LRRC27: variants seen among roughly 807,000 people sequenced by gnomAD.
LRRC27 encodes leucine-rich repeat-containing protein 27.
In LRRC27, 57 loss-of-function variants were observed where a neutral mutation model predicts 55.0. The ratio of observed to expected loss-of-function variants is 1.04; its 90% confidence interval spans 0.84 to 1.29. The LOEUF is 1.29. Ranked by LOEUF, LRRC27 falls within the 50% of genes most tolerant of loss-of-function variation. LRRC27 has a pLI of 0.00. For missense variants in LRRC27, 721 were observed against 651.5 expected (o/e 1.11, Z -1.16); for synonymous variants, 278 against 251.9 (o/e 1.10, Z -0.98).
In LRRC27 at chr10:132,380,269, C is replaced by G. The variant is rs948334723; in HGVS notation, c.*5027C>G. Among the ~76,000 whole-genome samples the G allele has an allele frequency of 2.0e-5, 3 of 150,626 alleles. No individual in the cohort carries two copies. Among genetic ancestry groups the G allele is most frequent in the Non-Finnish European group, 4.4e-5 (3 of 67,900 alleles). On this transcript the variant is annotated 3_prime_UTR_variant, in exon 11 of 11. Transcript: ENST00000368614. ...CGAGATCACGCCATTGCACTCCAGCCTGGGCAACAAGAGCAAAACTCTGTC... is the reference window on the plus strand; with the variant it reads ...CGAGATCACGCCATTGCACTCCAGCGTGGGCAACAAGAGCAAAACTCTGTC...
chr10:132,343,123 CAT>C (rs1313126275), intron 4 of LRRC27, among the ~76,000 whole-genome samples: 1 of 152,024 alleles, frequency 6.6e-6, no homozygotes, highest in African/African-American at 2.4e-5. Context: ...GCCTGGGTAA[CAT>C]AGTGAGACCC....
chr10:132,349,582 C>T (rs946908751), intron 6 of LRRC27, among the ~76,000 whole-genome samples: 1 of 152,194 alleles, frequency 6.6e-6, no homozygotes, highest in East Asian at 1.9e-4. Context: ...TTTCTTCCCT[C>T]CTCCCTTCAA....
At chr10:132,368,814 A>C (rs954554188) in intron 10 of LRRC27, among the ~76,000 whole-genome samples, 1 of 152,238 alleles carries the variant, frequency 6.6e-6, no homozygotes, top group African/African-American at 2.4e-5. Flanking sequence ...GCTTCATTAC[A>C]ATCAAAAACT....
At chr10:132,347,222 C>T (rs2067746087) in intron 5 of LRRC27, among the ~76,000 whole-genome samples, 2 of 152,258 alleles carry the variant, frequency 1.3e-5, no homozygotes, top group African/African-American at 4.8e-5. Flanking sequence ...GCCCTGTGTA[C>T]ACATGCAAAA....
chr10:132,369,112 C>T (rs2069159240), intron 10 of LRRC27, among the ~76,000 whole-genome samples: 1 of 152,176 alleles, frequency 6.6e-6, no homozygotes, highest in Non-Finnish European at 1.5e-5. Flanking sequence ...AAATCCAAAA[C>T]ACTCACCACC....
intron 10 of LRRC27, among the ~76,000 whole-genome samples, chr10:132,368,140 C>T (rs921828808): frequency 6.6e-6 from 1 of 152,110 alleles, no homozygotes; most frequent in African/African-American, 2.4e-5. Context: ...AAAAATCTAA[C>T]AAAATGTATA....
intron 10 of LRRC27, among the ~76,000 whole-genome samples, chr10:132,367,811 T>C (rs1221459685): frequency 1.3e-5 from 2 of 152,226 alleles, no homozygotes; most frequent in Non-Finnish European, 2.9e-5. Context: ...AAGGCAAAGA[T>C]ATTCCCTCTC....
In LRRC27 at chr10:132,374,288, T is replaced by C. The variant is rs1283617603; in HGVS notation, c.1417-778T>C. Among the ~76,000 whole-genome samples, 2 of 152,100 alleles carry C rather than the reference T, an allele frequency of 1.3e-5. No homozygotes were observed. Among genetic ancestry groups the C allele is most frequent in the Middle Eastern group, 3.2e-3 (1 of 316 alleles). Reference sequence around the variant, plus strand: ...CTCCTGGGACCTGCACTGGAGGTAGTGTCCAACCTGTGCCCCCAGCAAGGC... The same window carrying C: ...CTCCTGGGACCTGCACTGGAGGTAGCGTCCAACCTGTGCCCCCAGCAAGGC... On this transcript the variant is annotated intron_variant, in intron 10 of 10. Coordinates refer to ENST00000368614, the MANE Select transcript of LRRC27 (RefSeq NM_030626.3). This position sits in a 1 kb window ranked among gnomAD's most constrained non-coding sequence, Gnocchi z 4.4.
upstream of LRRC27, chr10:132,331,769 G>A (rs376695835): frequency 5.6e-6 from 9 of 1,609,422 alleles, no homozygotes; most frequent in Non-Finnish European, 7.6e-6. Flanking sequence ...GTGCCAGGCC[G>A]GTCGCCCCTC....
intron 10 of LRRC27, among the ~76,000 whole-genome samples, chr10:132,370,143 T>C (rs2069181099): frequency 6.6e-6 from 1 of 152,206 alleles, no homozygotes; most frequent in African/African-American, 2.4e-5. Context: ...GTCCAAATAC[T>C]GCACTGTCTT....
At chr10:132,361,775 C>T (rs945099591) in intron 9 of LRRC27, among the ~76,000 whole-genome samples, 200 bp downstream of exon 9, 1 of 152,070 alleles carries the variant, frequency 6.6e-6, no homozygotes, top group African/African-American at 2.4e-5. Flanking sequence ...TCCTTGCCCT[C>T]AGGGAACTGC....
At chr10:132,350,020 C>T (rs772331330) in intron 6 of LRRC27, among the ~76,000 whole-genome samples, 2 of 152,178 alleles carry the variant, frequency 1.3e-5, no homozygotes, top group African/African-American at 2.4e-5. Flanking sequence ...GGTGGCCCTT[C>T]CTGAGGGTCT....
At position 132,374,792 on chromosome 10, in the gene LRRC27, G is replaced by T. The variant is rs1001075221; in HGVS notation, c.1417-274G>T. On this transcript the variant is annotated intron_variant, in intron 10 of 10. Coordinates refer to ENST00000368614, the MANE Select transcript of LRRC27 (RefSeq NM_030626.3). This position sits in a 1 kb window ranked among gnomAD's most constrained non-coding sequence, Gnocchi z 4.4. ...ATGCACAGGACACCTGGGTGGGGCC[G>T]TGGGGACACCAGGATGAGTGGCCAT... Among the ~76,000 whole-genome samples, 3 of 152,216 alleles carry T rather than the reference G, an allele frequency of 2.0e-5. No individual in the cohort carries two copies. The highest frequency in any genetic ancestry group is 7.2e-5 in the African/African-American group (3 of 41,458).
At chr10:132,361,977 A>G (rs990980879) in intron 9 of LRRC27, among the ~76,000 whole-genome samples, 2 of 151,588 alleles carry the variant, frequency 1.3e-5, no homozygotes, top group Non-Finnish European at 2.9e-5. Context: ...CTGAGTTCTG[A>G]TCCCATTTCT....
chr10:132,362,385 T>C (rs1250408538), intron 9 of LRRC27, among the ~76,000 whole-genome samples: 4 of 151,966 alleles, frequency 2.6e-5, no homozygotes, highest in African/African-American at 4.8e-5. Flanking sequence ...CACTTGGCAC[T>C]GGGGAGTAGG....
intron 8 of LRRC27, among the ~76,000 whole-genome samples, chr10:132,359,479 C>T (rs954075460): frequency 2.6e-5 from 4 of 152,220 alleles, no homozygotes; most frequent in African/African-American, 4.8e-5. Flanking sequence ...GAGGGCGCCA[C>T]GGCCTTGGGT....
Position 132,377,977 on chromosome 10 carries a change from C to G in LRRC27, c.*2735C>G, listed in dbSNP as rs928440896. On this transcript the variant is annotated 3_prime_UTR_variant, in exon 11 of 11. Coordinates refer to ENST00000368614, the MANE Select transcript of LRRC27 (RefSeq NM_030626.3). ...CGAGTGGATCACGAGGTCAGGAGAT[C>G]GAGACCATCCTGGCTAACACGGTGA... 1.3e-5 allele frequency: 2 copies of G among 152,100 alleles called. No individual in the cohort carries two copies. The highest frequency in any genetic ancestry group is 2.9e-5 in the Non-Finnish European group (2 of 68,018). The allele number at this position is 152,100 out of a possible 1,614,324, so 9.4% of individuals were successfully genotyped here.
rs201040217 is a variant in LRRC27, at chr10:132,335,482, G to A, written c.210+1748G>A. Among the ~76,000 whole-genome samples the A allele has an allele frequency of 2.2e-4, 34 of 151,852 alleles. No individual in the cohort carries two copies. In the East Asian group the frequency reaches 3.5e-3, roughly 16 times the overall value. Reference sequence around the variant, plus strand: ...CTCAGAGGCTGAGTACTATGGGGGGGGGTCACAGTCTTCCTGGATGTCGTC... The same window carrying A: ...CTCAGAGGCTGAGTACTATGGGGGGAGGTCACAGTCTTCCTGGATGTCGTC... On this transcript the variant is annotated intron_variant, in intron 2 of 10. Transcript: ENST00000368614.
chr10:132,355,753 G>A (rs551514742), intron 7 of LRRC27, 37 bp from the exon 8 acceptor site: 14 of 1,452,386 alleles, frequency 9.6e-6, no homozygotes, highest in Admixed American at 2.0e-5. Context: ...GCTCGAAGCT[G>A]CCTGTAACTT....
Sources: allele counts gnomAD v4.1 joint callset (sites outside exome capture counted in the v4.1 genomes callset), GRCh38; gene constraint gnomAD v4.1.1; non-coding constraint Gnocchi (gnomAD v3.1); transcripts MANE v1.5; gene names NCBI Gene and HGNC (gene_info 2026-07-23, HGNC 2026-07-21).